Variants in AOPEP observed in about 807,000 individuals in gnomAD.
The protein encoded by AOPEP is aminopeptidase O (putative), also known as aminopeptidase O.
A neutral mutation model predicts 98.1 loss-of-function variants in AOPEP; 77 were observed. The ratio of observed to expected loss-of-function variants is 0.78; its 90% CI spans 0.65 to 0.95. AOPEP has a LOEUF of 0.95. Ranked by LOEUF, AOPEP falls within the 40% of genes least tolerant of loss-of-function variation. The probability of loss-of-function intolerance (pLI) is 0.00; values close to 1 mark genes in which losing one functional copy is unlikely to be tolerated. For synonymous variants in AOPEP, 346 were observed against 365.3 expected, an observed-to-expected ratio of 0.95 and a Z score of 0.60; for missense variants, 1,024 against 1,024.7, an observed-to-expected ratio of 1.00 and a Z score of 0.01.
At chr9:95,100,446 T>TA in the AOPEP span, 1 of 231,486 alleles carries the variant, frequency 4.3e-6, no homozygotes, top group East Asian at 6.1e-5. Context: ...ACTTTGCTCA[T>TA]ACCTCAAAAC....
chr9:94,992,035 A>G (rs1187468409), intron 11 of AOPEP, among the ~76,000 whole-genome samples: 1 of 152,258 alleles, frequency 6.6e-6, no homozygotes, highest in African/African-American at 2.4e-5. Flanking sequence ...ATCTTGATGT[A>G]CATTTTTCAT....
At chr9:94,764,200 A>T (rs193295300) in intron 2 of AOPEP, among the ~76,000 whole-genome samples, 1 of 152,204 alleles carries the variant, frequency 6.6e-6, no homozygotes, top group Non-Finnish European at 1.5e-5. Context: ...CTTAACTCCA[A>T]TCTAATCATG....
chr9:95,035,383 T>A (rs1396714236), intron 13 of AOPEP, among the ~76,000 whole-genome samples: 1 of 151,988 alleles, frequency 6.6e-6, no homozygotes, highest in Non-Finnish European at 1.5e-5. Flanking sequence ...TCAGGGCCAG[T>A]TGGAACATCT....
intron 13 of AOPEP, among the ~76,000 whole-genome samples, chr9:95,014,205 G>A (rs1294643843): frequency 2.0e-5 from 3 of 152,092 alleles, no homozygotes; most frequent in Non-Finnish European, 4.4e-5. Context: ...GGTGGCTCAC[G>A]CCTGTAATCC....
chr9:94,890,419 T>A (rs2048752736), intron 5 of AOPEP, among the ~76,000 whole-genome samples: 1 of 152,200 alleles, frequency 6.6e-6, no homozygotes, highest in Admixed American at 6.5e-5. Flanking sequence ...CGCCTCAGCC[T>A]CCCAAAGTGC....
At chr9:94,786,011 G>T (rs559415042) in intron 3 of AOPEP, among the ~76,000 whole-genome samples, 1 of 152,208 alleles carries the variant, frequency 6.6e-6, no homozygotes, top group African/African-American at 2.4e-5. Flanking sequence ...ATCAGGTCGC[G>T]GTTTTCAGTA....
intron 13 of AOPEP, among the ~76,000 whole-genome samples, chr9:95,010,824 G>A (rs999383998): frequency 1.3e-5 from 2 of 152,040 alleles, no homozygotes; most frequent in Admixed American, 6.5e-5. Context: ...GATGGGGGGA[G>A]GCAGAATAAT....
At chr9:94,993,381 G>A (rs1191651372) in intron 11 of AOPEP, among the ~76,000 whole-genome samples, 2 of 151,802 alleles carry the variant, frequency 1.3e-5, no homozygotes, top group African/African-American at 4.9e-5. Context: ...AGAGCACTTC[G>A]TGTTTTATGC....
chr9:94,855,121 A>C (rs1351740927), intron 5 of AOPEP, among the ~76,000 whole-genome samples: 1 of 152,140 alleles, frequency 6.6e-6, no homozygotes, highest in Non-Finnish European at 1.5e-5. Flanking sequence ...TCTGTCACCC[A>C]GGCTGTCGTG....
chr9:95,041,446 G>GGGT (rs1554813291), intron 13 of AOPEP, among the ~76,000 whole-genome samples: 4 of 142,106 alleles, frequency 2.8e-5, no homozygotes, highest in South Asian at 2.4e-4. Context: ...AGTCCTTGGG[G>GGGT]GTGTGTGTGT....
intron 3 of AOPEP, 84 bp downstream of exon 3, chr9:94,773,252 T>A: frequency 8.2e-7 from 1 of 1,224,252 alleles, no homozygotes. Flanking sequence ...TTCTAAACTT[T>A]AAAGAGCTCC....
the AOPEP span, among the ~76,000 whole-genome samples, chr9:95,143,443 G>A: frequency 1.3e-5 from 2 of 152,124 alleles, no homozygotes; most frequent in African/African-American, 4.8e-5. Context: ...CTATCTGGGG[G>A]CCCACCAGGA....
At chr9:95,053,068 G>C (rs888984000) in intron 13 of AOPEP, among the ~76,000 whole-genome samples, 2 of 152,070 alleles carry the variant, frequency 1.3e-5, no homozygotes, top group Non-Finnish European at 2.9e-5. Context: ...GCCTGGTTCA[G>C]TACTTTGTTA....
chr9:94,762,454 A>G (rs79467854), intron 2 of AOPEP, among the ~76,000 whole-genome samples: 4 of 147,010 alleles, frequency 2.7e-5, no homozygotes, highest in Non-Finnish European at 6.0e-5. Flanking sequence ...CTCAAAAAGA[A>G]AAAAAAAAAA....
chr9:94,978,619 A>G lies in AOPEP; in HGVS notation c.1917-748A>G, dbSNP rs550102270. Among the ~76,000 whole-genome samples the G allele has an allele frequency of 7.5e-4, 114 of 152,284 alleles. 1 individual carries two copies. Among genetic ancestry groups the G allele is most frequent in the Admixed American group, 1.3e-3 (20 of 15,306 alleles). On this transcript the variant is annotated intron_variant, in intron 10 of 16. Coordinates refer to ENST00000375315, the MANE Select transcript of AOPEP (RefSeq NM_001193329.3). Reference sequence around the variant, plus strand: ...CTCTCTGTAAGCAGAGATCCTGGGTATGAGCAAGAGTTACCTGGAAGAGGT... The same window carrying G: ...CTCTCTGTAAGCAGAGATCCTGGGTGTGAGCAAGAGTTACCTGGAAGAGGT...
chr9:94,729,071 C>A (rs539862641), intron 1 of AOPEP, among the ~76,000 whole-genome samples: 62 of 152,200 alleles, frequency 4.1e-4, no homozygotes, highest in African/African-American at 1.4e-3. Context: ...AAGTTGGAGT[C>A]TATGAATATC....
chr9:95,101,364 T>C, the AOPEP span: 4 of 405,374 alleles, frequency 9.9e-6, no homozygotes, highest in Admixed American at 3.8e-5. Context: ...TTTTAAATAA[T>C]AGATGTGCAG....
At chr9:95,074,214 C>T (rs1216621641) in intron 14 of AOPEP, among the ~76,000 whole-genome samples, 1 of 152,200 alleles carries the variant, frequency 6.6e-6, no homozygotes, top group African/African-American at 2.4e-5. Flanking sequence ...AGACATACCC[C>T]GTCCTCCCTG....
the AOPEP span, among the ~76,000 whole-genome samples, chr9:95,138,507 G>A: frequency 6.6e-6 from 1 of 152,224 alleles, no homozygotes; most frequent in Non-Finnish European, 1.5e-5. Flanking sequence ...CTCTGAATAG[G>A]AGAGTTCGCC....
Sources: gnomAD v4.1 joint callset for allele counts (sites outside exome capture counted in the v4.1 genomes callset) on GRCh38, gnomAD v4.1.1 for gene constraint, MANE v1.5 for transcripts, NCBI Gene and HGNC (gene_info 2026-07-23, HGNC 2026-07-21) for gene names.